PPWD1: variants seen among roughly 807,000 people sequenced by gnomAD.
PPWD1 encodes the protein peptidylprolyl isomerase domain and WD repeat-containing protein 1.
A neutral mutation model predicts 68.8 loss-of-function variants in PPWD1; 43 were observed. That is an observed-to-expected ratio of 0.62 (90% CI 0.49 to 0.81). The LOEUF (loss-of-function observed/expected upper bound fraction) is 0.81, where lower values mean the gene tolerates loss of function less well. PPWD1 is among the 30% of genes least tolerant of loss of function. The pLI is 0.00. For missense variants in PPWD1, 672 were observed against 804.8 expected (o/e 0.83, Z 2.00); for synonymous variants, 232 against 258.7 (o/e 0.90, Z 0.99).
chr5:65,563,830 T>G (rs1263532532), intron 1 of PPWD1: 2 of 1,501,328 alleles, frequency 1.3e-6, no homozygotes, highest in Admixed American at 3.9e-5. Flanking sequence ...AATTTCGAAC[T>G]CTTATTTAGG....
At position 65,569,781 on chromosome 5, in the gene PPWD1, A is replaced by T. The variant is rs778929335; in HGVS notation, c.400+49A>T. On this transcript the variant is annotated intron_variant, in intron 3 of 10. Transcript: ENST00000261308. ...TGTAGCTCTTTCCTAAACTATACTA[A>T]TTAAAGTTTAAATTTTTTAAATTTT... 1.9e-6 allele frequency: 3 copies of T among 1,559,614 alleles called. No individual in the cohort carries two copies. The South Asian group carries it at 3.6e-5, about 19-fold the overall frequency.
At chr5:65,567,908 A>C (rs1752848346) in intron 2 of PPWD1, 1 of 264,398 alleles carries the variant, frequency 3.8e-6, no homozygotes, top group African/African-American at 2.2e-5. Flanking sequence ...AGATATGAGT[A>C]ACTGGTACCT....
At chr5:65,580,043 G>A (rs1245479406) in intron 7 of PPWD1, among the ~76,000 whole-genome samples, 1 of 151,806 alleles carries the variant, frequency 6.6e-6, no homozygotes, top group Non-Finnish European at 1.5e-5. Flanking sequence ...TTTTAATGGT[G>A]CTACCTTGGA....
chr5:65,568,005 T>G (rs460262), intron 2 of PPWD1: 95,994 of 154,856 alleles, frequency 0.62, 30,027 homozygotes, highest in South Asian at 0.65. Context: ...TAGGTTCGTG[T>G]AGAAGGATAA....
At chr5:65,581,245 G>A (rs1184137426) in intron 7 of PPWD1, among the ~76,000 whole-genome samples, 6 of 151,962 alleles carry the variant, frequency 3.9e-5, no homozygotes, top group African/African-American at 9.7e-5. Context: ...AAAATTAATC[G>A]TTTTACCTTT....
chr5:65,563,408 C>T lies in PPWD1; in HGVS notation c.98C>T (p.Ala33Val), dbSNP rs938577779. 1.9e-6 allele frequency: 3 copies of T among 1,614,058 alleles called. No homozygotes were observed. The highest frequency in any genetic ancestry group is 2.7e-5 in the African/African-American group (2 of 74,918). Residue 33 changes from alanine to valine, a missense_variant, in exon 1 of 11, where the codon GCA becomes GTA. Around this residue, in one of 2 missense-constraint regions of PPWD1, gnomAD observed 188 missense variants for 158.6 expected, o/e 1.19. Coordinates refer to ENST00000261308, the MANE Select transcript of PPWD1 (RefSeq NM_015342.4). ...EKTELSERELAVAVAVSQEND... is the reference protein window; with the variant it reads ...EKTELSERELVVAVAVSQEND... Reference sequence around the variant, plus strand: ...ACAGAACTCAGCGAAAGAGAGCTGGCAGTAGCAGTGGCGGTGTCCCAGGAG... The same window carrying T: ...ACAGAACTCAGCGAAAGAGAGCTGGTAGTAGCAGTGGCGGTGTCCCAGGAG...
chr5:65,586,258 G>T, intron 10 of PPWD1, 77 bp downstream of exon 10: 1 of 1,326,116 alleles, frequency 7.5e-7, no homozygotes, highest in Non-Finnish European at 1.0e-6. Context: ...TAGAAGAGCT[G>T]CATTATTCTG....
intron 5 of PPWD1, among the ~76,000 whole-genome samples, chr5:65,573,919 G>A (rs1317442897): frequency 2.0e-5 from 3 of 152,126 alleles, no homozygotes; most frequent in East Asian, 1.9e-4. Flanking sequence ...GCATGTAGTC[G>A]TGGAATAAGA....
At position 65,572,255 on chromosome 5, in the gene PPWD1, A is replaced by G. The variant is rs1451894337; in HGVS notation, c.938A>G (p.Lys313Arg). 1.2e-6 allele frequency: 2 copies of G among 1,611,214 alleles called. No homozygotes were observed. Among genetic ancestry groups the G allele is most frequent in the Middle Eastern group, 1.7e-4 (1 of 6,024 alleles). Residue 313 changes from lysine to arginine, a missense_variant, in exon 5 of 11, where the codon AAA (lysine) becomes AGA (arginine). Lys to Arg is a conservative substitution (Grantham distance 26). Coordinates refer to ENST00000261308, the MANE Select transcript of PPWD1 (RefSeq NM_015342.4). ...AGAATTTTCAGATTTGTAACTGGAA[A>G]ACTCATGAGAGTCTTTGATGAATCA... ...KVRIFRFVTG[K>R]LMRVFDESLS...
At chr5:65,586,293 C>A in intron 10 of PPWD1, 112 bp downstream of exon 10, 1 of 1,018,322 alleles carries the variant, frequency 9.8e-7, no homozygotes, top group Non-Finnish European at 1.4e-6. Context: ...TTTATATCAT[C>A]TAGCAGAATA....
intron 2 of PPWD1, chr5:65,568,986 G>T: frequency 2.2e-6 from 1 of 455,736 alleles, no homozygotes; most frequent in South Asian, 1.5e-5. Flanking sequence ...CTAGCTATAT[G>T]GACCTGAGGC....
At chr5:65,569,432 G>C (rs1470066414) in intron 2 of PPWD1, 200 bp from the exon 3 acceptor site, 1 of 413,292 alleles carries the variant, frequency 2.4e-6, no homozygotes, top group African/African-American at 2.1e-5. Flanking sequence ...AATTAGTACA[G>C]CTGTAACTGT....
intron 7 of PPWD1, chr5:65,582,498 T>G (rs1021165924): frequency 1.3e-5 from 2 of 152,498 alleles, no homozygotes; most frequent in Admixed American, 1.3e-4. Context: ...ATGTATATAG[T>G]ACCCTCTATG....
chr5:65,587,244 C>T lies in PPWD1; in HGVS notation c.1798-9C>T. 1.3e-6 allele frequency: 2 copies of T among 1,593,564 alleles called. No homozygotes were observed. The highest frequency in any genetic ancestry group is 1.7e-6 in the Non-Finnish European group (2 of 1,170,016). The stretch of plus-strand genomic sequence containing the variant: ...TTTACCAAGATTTTCCATTTGTCCT[C>T]CAACACAGCCTTGGCTTGATAATAA... On this transcript the variant is annotated splice_polypyrimidine_tract_variant and intron_variant, in intron 10 of 10. Coordinates refer to ENST00000261308, the MANE Select transcript of PPWD1 (RefSeq NM_015342.4).
rs775007473 is a variant in PPWD1 at position 65,586,130 on chromosome 5, C to T, written c.1746C>T (p.Asn582=). 3.0e-5 allele frequency: 49 copies of T among 1,613,270 alleles called. No individual in the cohort carries two copies. In the Admixed American group the frequency reaches 3.5e-4, roughly 12 times the overall value. Residue 582 remains asparagine (N), a synonymous_variant, in exon 10 of 11, where the codon AAC becomes AAT. Coordinates refer to ENST00000261308, the MANE Select transcript of PPWD1 (RefSeq NM_015342.4). ...GGCCATACACACTCAGCATGGCTAA[C>T]GCGGGATCAAATACTAATGGATCCC... ...HDRPYTLSMA[N]AGSNTNGSQF... is the part of the protein sequence containing the mutation.
chr5:65,585,175 T>A, intron 9 of PPWD1, 80 bp downstream of exon 9: 1 of 1,350,396 alleles, frequency 7.4e-7, no homozygotes, highest in Non-Finnish European at 1.0e-6. Context: ...GGAATCTTCT[T>A]CTCTCACACT....
In PPWD1 at chr5:65,586,196, ATT is replaced by A; in HGVS notation, c.1797+16_1797+17del. 1.2e-6 allele frequency: 2 copies of A among 1,600,304 alleles called. No individual in the cohort carries two copies. The highest frequency in any genetic ancestry group is 1.7e-6 in the Non-Finnish European group (2 of 1,171,960). On this transcript the variant is annotated intron_variant, in intron 10 of 10. Coordinates refer to ENST00000261308, the MANE Select transcript of PPWD1 (RefSeq NM_015342.4). ...TAGTACCAACGGTAAGTACAGTATC[ATT>A]GTTTATAAACTACAGATTGATAGGT...
intron 2 of PPWD1, among the ~76,000 whole-genome samples, chr5:65,568,467 A>G (rs548523890): frequency 1.3e-5 from 2 of 152,160 alleles, no homozygotes; most frequent in Non-Finnish European, 2.9e-5. Context: ...AAATCCTAGA[A>G]GACTTTTTAT....
intron 1 of PPWD1, among the ~76,000 whole-genome samples, chr5:65,564,318 CTTTTTTTTT>C (rs550753414): frequency 4.9e-4 from 58 of 117,198 alleles, no homozygotes; most frequent in Middle Eastern, 5.2e-3. Flanking sequence ...TTTTCTCTCT[CTTTTTTTTT>C]TTTTTTTTTT....
Sources: gnomAD v4.1 joint callset for allele counts (sites outside exome capture counted in the v4.1 genomes callset) on GRCh38, gnomAD v4.1.1 for gene constraint, gnomAD v4.1.1 regional missense constraint, MANE v1.5 for transcripts, NCBI Gene and HGNC (gene_info 2026-07-23, HGNC 2026-07-21) for gene names.